Variants in CNTNAP2 observed in about 807,000 individuals in gnomAD.
CNTNAP2 encodes contactin-associated protein-like 2.
CNTNAP2 carries 98 observed loss-of-function variants against 155.2 expected under a neutral mutation model. The observed-to-expected ratio is 0.63, with a 90% CI of 0.54 to 0.75. The LOEUF is 0.75. Among genes scored for constraint, CNTNAP2 ranks in the 30% least tolerant of loss-of-function variants. The pLI is 0.00. For missense variants in CNTNAP2, 1,727 were observed against 1,688.1 expected (o/e 1.02, Z -0.40); for synonymous variants, 651 against 631.2 (o/e 1.03, Z -0.47).
chr7:148,092,868 C>G (rs1418193422), intron 15 of CNTNAP2, among the ~76,000 whole-genome samples: 2 of 136,782 alleles, frequency 1.5e-5, no homozygotes, highest in Non-Finnish European at 3.1e-5. Flanking sequence ...GAAAGACACA[C>G]AGTCTCAATT....
Position 147,903,305 on chromosome 7 carries a change from C to T in CNTNAP2, c.2099-260C>T, listed in dbSNP as rs572877629. ...AGGATTTTCTATTCATAGCCTTAGC[C>T]CACTTTTTGATGGGATTGTTTTTTC... On this transcript the variant is annotated intron_variant, in intron 13 of 23. Transcript: ENST00000361727. 6.6e-5 allele frequency among the ~76,000 whole-genome samples: 10 copies of T among 152,162 alleles called. No homozygotes were observed. In the South Asian group the frequency reaches 2.1e-3, roughly 32 times the overall value.
At chr7:148,335,783 A>G (rs137868162) in intron 21 of CNTNAP2, among the ~76,000 whole-genome samples, 192 of 152,258 alleles carry the variant, frequency 1.3e-3, no homozygotes, top group African/African-American at 4.5e-3. Flanking sequence ...AACTTTCTAG[A>G]TTTTTATTTA....
chr7:148,079,169 G>A (rs999101545), intron 15 of CNTNAP2, among the ~76,000 whole-genome samples: 4 of 152,160 alleles, frequency 2.6e-5, no homozygotes, highest in African/African-American at 7.2e-5. Context: ...CAATGGTCCC[G>A]GGAAATCCTG....
chr7:147,031,223 T>C (rs543788312), intron 3 of CNTNAP2, among the ~76,000 whole-genome samples: 46 of 152,192 alleles, frequency 3.0e-4, no homozygotes, highest in Middle Eastern at 3.4e-3. Context: ...ACATGAAGGA[T>C]AAAGAAAAAA....
intron 4 of CNTNAP2, among the ~76,000 whole-genome samples, chr7:147,078,403 A>T (rs1268945590): frequency 2.0e-5 from 3 of 152,220 alleles, no homozygotes; most frequent in African/African-American, 7.2e-5. Flanking sequence ...TTCATCCTAT[A>T]AACTGCATAT....
At chr7:147,143,877 G>C (rs1369835668) in intron 8 of CNTNAP2, among the ~76,000 whole-genome samples, 1 of 152,138 alleles carries the variant, frequency 6.6e-6, no homozygotes. Context: ...TCAGGAGCAT[G>C]ACGTGAAGTA....
rs34591496 is a variant in CNTNAP2, at chr7:148,024,157, TAAAAAA to T, written c.2383+46185_2383+46190del. On this transcript the variant is annotated intron_variant, in intron 15 of 23. Coordinates refer to ENST00000361727, the MANE Select transcript of CNTNAP2 (RefSeq NM_014141.6). Reference sequence around the variant, plus strand: ...CCCATATAGATCAACCTTTAAAGTGTAAAAAAAAAAAAAAAAAAAAAACTTTATAAC... The same window carrying T: ...CCCATATAGATCAACCTTTAAAGTGTAAAAAAAAAAAAAAAACTTTATAAC... Among the ~76,000 whole-genome samples the T allele has an allele frequency of 1.9e-5, 2 of 107,632 alleles. 1 individual carries two copies. Among genetic ancestry groups the T allele is most frequent in the African/African-American group, 7.2e-5 (2 of 27,728 alleles). 70.6% of individuals were successfully genotyped at this position (107,632 alleles called of 152,430 possible).
intron 1 of CNTNAP2, among the ~76,000 whole-genome samples, chr7:146,183,344 C>A (rs909530057): frequency 2.0e-5 from 3 of 152,102 alleles, no homozygotes; most frequent in Admixed American, 6.6e-5. Context: ...CTTCATTGGT[C>A]CCAAACTCTT....
intron 2 of CNTNAP2, among the ~76,000 whole-genome samples, chr7:146,785,585 T>C (rs970968453): frequency 2.0e-5 from 3 of 152,252 alleles, no homozygotes; most frequent in Non-Finnish European, 4.4e-5. Flanking sequence ...GCTGGTACTT[T>C]TCTTGTTCCA....
chr7:147,418,417 A>G (rs1047100199), intron 10 of CNTNAP2, among the ~76,000 whole-genome samples: 1 of 152,194 alleles, frequency 6.6e-6, no homozygotes, highest in African/African-American at 2.4e-5. Context: ...CCCTTTTATT[A>G]TATAGACATC....
chr7:146,601,624 A>G (rs1360154506), intron 1 of CNTNAP2, among the ~76,000 whole-genome samples: 1 of 152,146 alleles, frequency 6.6e-6, no homozygotes, highest in Non-Finnish European at 1.5e-5. Context: ...TAGAGTTTAT[A>G]TGATAAAAGA....
chr7:146,910,460 T>A lies in CNTNAP2; in HGVS notation c.402+70556T>A, dbSNP rs934638673. ...TGGTACTGGTACCAAAACAGAGATATAGATCAATGGAACAGAACAGAGCCC... is the reference window on the plus strand; with the variant it reads ...TGGTACTGGTACCAAAACAGAGATAAAGATCAATGGAACAGAACAGAGCCC... On this transcript the variant is annotated intron_variant, in intron 3 of 23. Coordinates refer to ENST00000361727, the MANE Select transcript of CNTNAP2 (RefSeq NM_014141.6). 9.6e-4 allele frequency among the ~76,000 whole-genome samples: 143 copies of A among 149,296 alleles called. 1 individual carries two copies. Among genetic ancestry groups the A allele is most frequent in the Non-Finnish European group, 1.0e-3 (69 of 67,550 alleles).
At chr7:147,414,805 G>A (rs569458768) in intron 10 of CNTNAP2, among the ~76,000 whole-genome samples, 75 of 151,928 alleles carry the variant, frequency 4.9e-4, no homozygotes, top group African/African-American at 1.8e-3. Flanking sequence ...GCTGGGCGAG[G>A]TGGTGGGCGC....
At position 146,119,095 on chromosome 7, in the gene CNTNAP2, T is replaced by C. The variant is rs117617895; in HGVS notation, c.97+2122T>C. ...GCTCTGAAGAAAAGTATGATAGTTA[T>C]ATTCTTAATATAAAACATTCAAAGG... On this transcript the variant is annotated intron_variant, in intron 1 of 23. Coordinates refer to ENST00000361727, the MANE Select transcript of CNTNAP2 (RefSeq NM_014141.6). Among the ~76,000 whole-genome samples the C allele has an allele frequency of 8.5e-5, 13 of 152,200 alleles. No individual in the cohort carries two copies. In the East Asian group the frequency reaches 2.5e-3, roughly 29 times the overall value.
At chr7:147,808,270 G>A (rs1000618267) in intron 13 of CNTNAP2, among the ~76,000 whole-genome samples, 3 of 152,064 alleles carry the variant, frequency 2.0e-5, no homozygotes, top group Admixed American at 1.3e-4. Context: ...CCATAACATC[G>A]AGGCCCGGAA....
At chr7:146,393,528 T>G (rs371149114) in intron 1 of CNTNAP2, among the ~76,000 whole-genome samples, 1 of 152,178 alleles carries the variant, frequency 6.6e-6, no homozygotes, top group Non-Finnish European at 1.5e-5. Context: ...TTATCCCTGC[T>G]TTGCTGATAT....
At chr7:146,913,635 T>C (rs1796334925) in intron 3 of CNTNAP2, among the ~76,000 whole-genome samples, 1 of 152,088 alleles carries the variant, frequency 6.6e-6, no homozygotes, top group African/African-American at 2.4e-5. Context: ...TTTCTTGGGA[T>C]TCTAAGGTCT....
chr7:147,368,465 T>A (rs1796284276), intron 9 of CNTNAP2, among the ~76,000 whole-genome samples: 1 of 151,844 alleles, frequency 6.6e-6, no homozygotes. Context: ...AAATATAGAG[T>A]GTCTAATATT....
At chr7:146,371,464 G>T (rs1190192080) in intron 1 of CNTNAP2, among the ~76,000 whole-genome samples, 1 of 144,804 alleles carries the variant, frequency 6.9e-6, no homozygotes, top group Non-Finnish European at 1.5e-5. Flanking sequence ...CGCCTCCCGG[G>T]TTCATGCCAT....
Sources: allele counts gnomAD v4.1 joint callset (sites outside exome capture counted in the v4.1 genomes callset), GRCh38; gene constraint gnomAD v4.1.1; transcripts MANE v1.5; gene names NCBI Gene and HGNC (gene_info 2026-07-23, HGNC 2026-07-21).